The following PTK2B variants were observed in gnomAD, a reference collection of about 807,000 sequenced individuals.
PTK2B encodes the protein protein tyrosine kinase 2 beta.
PTK2B carries 71 observed loss-of-function variants against 142.9 expected under a neutral mutation model. The ratio of observed to expected loss-of-function variants is 0.50; its 90% confidence interval spans 0.41 to 0.61. The LOEUF (loss-of-function observed/expected upper bound fraction) is 0.61, where lower values mean the gene tolerates loss of function less well. Among genes scored for constraint, PTK2B ranks in the 20% least tolerant of loss-of-function variants. The pLI is 0.00. For missense variants in PTK2B, 1,105 were observed against 1,320.4 expected, an observed-to-expected ratio of 0.84 and a Z score of 2.53; for synonymous variants, 519 against 503.4, an observed-to-expected ratio of 1.03 and a Z score of -0.42.
chr8:27,347,473 C>CGGTACT (rs1804785532), intron 1 of PTK2B, among the ~76,000 whole-genome samples: 1 of 152,158 alleles, frequency 6.6e-6, no homozygotes, highest in South Asian at 2.1e-4. Flanking sequence ...TATTTTCTCC[C>CGGTACT]GGTACTGGAG....
chr8:27,349,031 G>A (rs1435432711), intron 1 of PTK2B, among the ~76,000 whole-genome samples: 1 of 151,950 alleles, frequency 6.6e-6, no homozygotes, highest in Non-Finnish European at 1.5e-5. Flanking sequence ...TATCTCTCAC[G>A]TTCCTATGCA....
chr8:27,420,001 G>A lies in PTK2B; in HGVS notation c.311G>A (p.Trp104Ter). 6.2e-7 allele frequency: 1 copy of A among 1,614,170 alleles called. No individual in the cohort carries two copies. The highest frequency in any genetic ancestry group is 8.5e-7 in the Non-Finnish European group (1 of 1,180,038). Reference sequence around the variant, plus strand: ...CACATGAAGTCCGATGAGATCCACTGGCTGCACCCACAGATGACGGTGGGT... The same window carrying A: ...CACATGAAGTCCGATGAGATCCACTAGCTGCACCCACAGATGACGGTGGGT... ...LKHMKSDEIH[W>*]LHPQMTVGEV... is the part of the protein sequence containing the mutation. Residue 104 changes from tryptophan (W) to a stop codon, truncating the protein, a stop_gained, in exon 3 of 31, where the codon TGG becomes TAG. Transcript: ENST00000346049. LOFTEE classifies it high-confidence loss of function.
intron 1 of PTK2B, among the ~76,000 whole-genome samples, chr8:27,347,232 T>G (rs1187876306): frequency 2.0e-5 from 2 of 101,828 alleles, no homozygotes; most frequent in African/African-American, 7.6e-5. Flanking sequence ...AAAAAAAAAT[T>G]AACCAAGCAT....
At chr8:27,319,511 G>A (rs1586070842) in intron 3 of PTK2B, among the ~76,000 whole-genome samples, 1 of 151,894 alleles carries the variant, frequency 6.6e-6, no homozygotes, top group South Asian at 2.1e-4. Context: ...AGGCCCGGTG[G>A]CGGGCGCCTG....
chr8:27,420,022 T>C lies in PTK2B; in HGVS notation c.332T>C (p.Val111Ala), dbSNP rs1381806395. Residue 111 changes from valine to alanine, a missense_variant, in exon 3 of 31, where the codon GTG (valine) becomes GCG (alanine). Val to Ala is a moderately conservative substitution (Grantham distance 64). Coordinates refer to ENST00000346049, the MANE Select transcript of PTK2B (RefSeq NM_173176.3). ...CACTGGCTGCACCCACAGATGACGG[T>C]GGGTGAGGTGCAGGACAAGTATGAG... ...EIHWLHPQMT[V>A]GEVQDKYECL... 2 of 1,613,934 alleles carry C rather than the reference T, an allele frequency of 1.2e-6. No individual in the cohort carries two copies. The highest frequency in any genetic ancestry group is 1.7e-6 in the Non-Finnish European group (2 of 1,179,988).
intron 24 of PTK2B, among the ~76,000 whole-genome samples, chr8:27,448,585 T>C (rs1811618480): frequency 7.7e-6 from 1 of 129,422 alleles, no homozygotes; most frequent in South Asian, 2.5e-4. Flanking sequence ...GAATCTTCTG[T>C]CAACACTTAT....
chr8:27,437,101 C>T (rs1485452138), intron 15 of PTK2B, 21 bp from the exon 16 acceptor site: 1 of 1,607,474 alleles, frequency 6.2e-7, no homozygotes, highest in East Asian at 2.2e-5. Context: ...CCAAGGGGTC[C>T]TGAACACACT....
At chr8:27,445,749 C>T in intron 23 of PTK2B, 45 bp from the exon 24 acceptor site, 5 of 1,609,242 alleles carry the variant, frequency 3.1e-6, no homozygotes, top group Non-Finnish European at 4.2e-6. Context: ...TGTCTACCTT[C>T]TCGCTTTGTC....
Position 27,455,794 on chromosome 8 carries a change from C to T in PTK2B, c.2814+1183C>T, listed in dbSNP as rs371673940. Reference sequence around the variant, plus strand: ...AAGACAATAAATCTGTGTTGTTTTGCGCCACTAAATTTCTGGTAATTTGTT... The same window carrying T: ...AAGACAATAAATCTGTGTTGTTTTGTGCCACTAAATTTCTGGTAATTTGTT... On this transcript the variant is annotated intron_variant, in intron 30 of 30. Coordinates refer to ENST00000346049, the MANE Select transcript of PTK2B (RefSeq NM_173176.3). 5.9e-5 allele frequency among the ~76,000 whole-genome samples: 9 copies of T among 152,344 alleles called. No homozygotes were observed. The South Asian group carries it at 6.2e-4, about 11-fold the overall frequency.
intron 1 of PTK2B, among the ~76,000 whole-genome samples, chr8:27,375,232 C>T (rs1472033050): frequency 6.6e-6 from 1 of 152,216 alleles, no homozygotes; most frequent in Non-Finnish European, 1.5e-5. Flanking sequence ...GGCAGTAGCA[C>T]AGTCCCTGCC....
At chr8:27,324,991 G>A (rs910753907), upstream of PTK2B, among the ~76,000 whole-genome samples, 5 of 152,224 alleles carry the variant, frequency 3.3e-5, no homozygotes, top group African/African-American at 9.7e-5. Context: ...ACCCTACTTA[G>A]TCACAGCTCA....
At chr8:27,315,489 C>T (rs575920660) in intron 3 of PTK2B, among the ~76,000 whole-genome samples, 1 of 152,152 alleles carries the variant, frequency 6.6e-6, no homozygotes, top group African/African-American at 2.4e-5. Flanking sequence ...CTCCCCTCCC[C>T]CCAACGCAGA....
intron 1 of PTK2B, among the ~76,000 whole-genome samples, chr8:27,347,471 C>G (rs1336158459): frequency 6.6e-5 from 10 of 152,156 alleles, no homozygotes; most frequent in Admixed American, 5.2e-4. Context: ...TTTATTTTCT[C>G]CCGGTACTGG....
At chr8:27,381,047 T>C (rs1262140194) in intron 1 of PTK2B, among the ~76,000 whole-genome samples, 2 of 152,230 alleles carry the variant, frequency 1.3e-5, no homozygotes, top group Non-Finnish European at 2.9e-5. Flanking sequence ...TTTTTAATTT[T>C]AGTAATTTTT....
chr8:27,432,478 T>G, intron 10 of PTK2B, 117 bp downstream of exon 10: 1 of 884,200 alleles, frequency 1.1e-6, no homozygotes, highest in Non-Finnish European at 1.7e-6. Flanking sequence ...GCTTCCTGGC[T>G]TTGGGGATCG....
chr8:27,350,769 G>A (rs1186596388), intron 1 of PTK2B, among the ~76,000 whole-genome samples: 1 of 151,112 alleles, frequency 6.6e-6, no homozygotes, highest in Non-Finnish European at 1.5e-5. Context: ...CCTGAGGTTA[G>A]GAGTTCAAGA....
chr8:27,344,521 T>C (rs1804600269), intron 1 of PTK2B, among the ~76,000 whole-genome samples: 3 of 152,356 alleles, frequency 2.0e-5, no homozygotes, highest in Non-Finnish European at 2.9e-5. Context: ...TTAGCATTCA[T>C]TGGTGTGCTG....
chr8:27,317,706 A>C (rs544477610), intron 3 of PTK2B, among the ~76,000 whole-genome samples: 1 of 152,274 alleles, frequency 6.6e-6, no homozygotes, highest in Admixed American at 6.5e-5. Context: ...TGTAGGAGGG[A>C]CATTTGTTCT....
chr8:27,440,646 AAC>A (rs1280830700), intron 21 of PTK2B, among the ~76,000 whole-genome samples: 1 of 152,248 alleles, frequency 6.6e-6, no homozygotes, highest in Non-Finnish European at 1.5e-5. Flanking sequence ...GGCATCTGTC[AAC>A]ACAGAGCACA....
Sources: allele counts gnomAD v4.1 joint callset (sites outside exome capture counted in the v4.1 genomes callset), GRCh38; gene constraint gnomAD v4.1.1; transcripts MANE v1.5; gene names NCBI Gene and HGNC (gene_info 2026-07-23, HGNC 2026-07-21).